The following PINX1 variants were observed in gnomAD, a reference collection of about 807,000 sequenced individuals.
PINX1 encodes the protein PIN2 (TERF1) interacting telomerase inhibitor 1, also known as PIN2/TERF1-interacting telomerase inhibitor 1.
PINX1 carries 34 observed loss-of-function variants against 25.4 expected under a neutral mutation model. The observed-to-expected ratio is 1.34, with a 90% CI of 1.02 to 1.78. The LOEUF is 1.78. Among genes scored for constraint, PINX1 ranks in the 40% most tolerant of loss-of-function variants. PINX1 has a pLI of 0.00. For missense variants in PINX1, 592 were observed against 404.9 expected, an observed-to-expected ratio of 1.46 and a Z score of -3.97; for synonymous variants, 197 against 147.7, an observed-to-expected ratio of 1.33 and a Z score of -2.42.
intron 6 of PINX1, 116 bp from the exon 7 acceptor site, chr8:10,766,032 C>A: frequency 3.2e-6 from 3 of 942,238 alleles, no homozygotes; most frequent in Non-Finnish European, 4.8e-6. Flanking sequence ...GGCGCTCACA[C>A]CCGGCACCCA....
At chr8:10,805,410 G>C (rs1324736117) in intron 6 of PINX1, among the ~76,000 whole-genome samples, 2 of 152,384 alleles carry the variant, frequency 1.3e-5, no homozygotes, top group African/African-American at 4.8e-5. Flanking sequence ...CAGAGTACTC[G>C]AAGATTGATG....
Position 10,824,465 on chromosome 8 carries a change from C to G in PINX1, c.394+1687G>C, listed in dbSNP as rs576549598. Among the ~76,000 whole-genome samples the G allele has an allele frequency of 2.0e-5, 3 of 152,276 alleles. No homozygotes were observed. The South Asian group carries it at 6.2e-4, about 32-fold the overall frequency. On this transcript the variant is annotated intron_variant, in intron 5 of 6. Coordinates refer to ENST00000314787, the MANE Select transcript of PINX1 (RefSeq NM_017884.6). ...CAATAGATCCGAGAATCCTTCTGTT[C>G]TGCATACTGACTCCCTCTTCTCCCC...
At chr8:10,787,087 T>C (rs1801773926) in intron 6 of PINX1, among the ~76,000 whole-genome samples, 1 of 152,196 alleles carries the variant, frequency 6.6e-6, no homozygotes, top group Admixed American at 6.5e-5. Flanking sequence ...CCATGAGCTC[T>C]GTTATTTTTA....
chr8:10,816,949 G>C (rs1042747271), intron 6 of PINX1, among the ~76,000 whole-genome samples: 12 of 152,194 alleles, frequency 7.9e-5, no homozygotes, highest in South Asian at 6.2e-4. Context: ...ATTGCTGTGA[G>C]GATGAAATGA....
At position 10,831,675 on chromosome 8, in the gene PINX1, C is replaced by G; in HGVS notation, c.291G>C (p.Gln97His). The change falls in exon 4 of 7, where the codon CAG (glutamine) becomes CAC (histidine). Residue 97 changes from glutamine to histidine, a missense_variant. Transcript: ENST00000314787. ...LLAELNTCHG[Q>H]ETTDSSDKKE... ...ATCTGATTTCCCTACCTGTGGTTTC[C>G]TGCCCATGGCAAGTGTTCAGTTCGG... 6.3e-7 allele frequency: 1 copy of G among 1,597,484 alleles called. No individual in the cohort carries two copies. Among genetic ancestry groups the G allele is most frequent in the Non-Finnish European group, 8.6e-7 (1 of 1,168,270 alleles).
intron 6 of PINX1, among the ~76,000 whole-genome samples, chr8:10,818,643 C>T (rs889752281): frequency 4.6e-5 from 7 of 152,008 alleles, no homozygotes; most frequent in Non-Finnish European, 2.9e-5. Flanking sequence ...GATGTGGAAA[C>T]GCCAGTACAG....
chr8:10,800,761 C>G (rs190494723), intron 6 of PINX1, among the ~76,000 whole-genome samples: 3 of 152,196 alleles, frequency 2.0e-5, no homozygotes, highest in East Asian at 1.9e-4. Context: ...TAAGTCACTA[C>G]GCCCGGCCAA....
In PINX1 at chr8:10,823,497, T is replaced by A. The variant is rs141954932; in HGVS notation, c.394+2655A>T. ...TTCCCCTCTGCAGATATAGCCTCTA[T>A]CTGCAGAGACCTTTTGCATTAAAAA... On this transcript the variant is annotated intron_variant, in intron 5 of 6. Transcript: ENST00000314787. Among the ~76,000 whole-genome samples the A allele has an allele frequency of 1.3e-3, 198 of 152,008 alleles. 1 individual carries two copies. Among genetic ancestry groups the A allele is most frequent in the African/African-American group, 4.6e-3 (190 of 41,368 alleles).
chr8:10,820,912 A>G (rs987643203), intron 5 of PINX1, among the ~76,000 whole-genome samples: 4 of 152,220 alleles, frequency 2.6e-5, no homozygotes, highest in Admixed American at 2.6e-4. Context: ...ACATAGGGAG[A>G]GTAGGAAATT....
chr8:10,784,908 G>A (rs1036535312), intron 6 of PINX1, among the ~76,000 whole-genome samples: 1 of 152,188 alleles, frequency 6.6e-6, no homozygotes, highest in Non-Finnish European at 1.5e-5. Context: ...GTGCTCTTTG[G>A]CAGAGACTGC....
intron 6 of PINX1, chr8:10,787,891 A>G (rs529811422): frequency 4.4e-6 from 2 of 453,198 alleles, no homozygotes; most frequent in African/African-American, 4.0e-5. Context: ...GACATTATCA[A>G]TTAATCTATA....
chr8:10,779,512 T>C (rs557607077), intron 6 of PINX1, among the ~76,000 whole-genome samples: 1 of 152,274 alleles, frequency 6.6e-6, no homozygotes, highest in East Asian at 1.9e-4. Context: ...CAAAAAGAAC[T>C]GCCACACACC....
intron 6 of PINX1, among the ~76,000 whole-genome samples, chr8:10,804,243 G>A (rs904408342): frequency 1.3e-5 from 2 of 152,200 alleles, no homozygotes; most frequent in Non-Finnish European, 2.9e-5. Flanking sequence ...TGCGGTGTTA[G>A]CCGCCGGGGG....
At chr8:10,786,699 G>GTA (rs1316318602) in intron 6 of PINX1, among the ~76,000 whole-genome samples, 6 of 152,198 alleles carry the variant, frequency 3.9e-5, no homozygotes, top group African/African-American at 1.4e-4. Context: ...AAACTTCAGT[G>GTA]TATACTGCAG....
At chr8:10,792,567 C>A (rs546317641) in intron 6 of PINX1, among the ~76,000 whole-genome samples, 1 of 152,062 alleles carries the variant, frequency 6.6e-6, no homozygotes, top group Non-Finnish European at 1.5e-5. Context: ...CTGGGAGAAA[C>A]AGATGAAGTA....
chr8:10,787,974 A>G, intron 6 of PINX1: 1 of 362,438 alleles, frequency 2.8e-6, no homozygotes, highest in South Asian at 2.3e-5. Context: ...AAACTTGAAC[A>G]TTGACTGGAT....
intron 6 of PINX1, among the ~76,000 whole-genome samples, chr8:10,778,358 G>A (rs999903414): frequency 6.6e-5 from 10 of 151,922 alleles, no homozygotes; most frequent in African/African-American, 2.4e-4. Context: ...CATCCCTCTC[G>A]TTTTTGCAAA....
At chr8:10,783,422 T>G (rs1801653965) in intron 6 of PINX1, among the ~76,000 whole-genome samples, 1 of 152,220 alleles carries the variant, frequency 6.6e-6, no homozygotes, top group Admixed American at 6.5e-5. Context: ...AAAGGACCTG[T>G]GCTTTCAAGA....
intron 6 of PINX1, among the ~76,000 whole-genome samples, chr8:10,773,391 G>C (rs754949505): frequency 1.4e-4 from 21 of 152,188 alleles, no homozygotes; most frequent in Non-Finnish European, 1.9e-4. Context: ...GCAAAAGCCA[G>C]TAAAGAAAAA....
Sources: allele counts gnomAD v4.1 joint callset (sites outside exome capture counted in the v4.1 genomes callset), GRCh38; gene constraint gnomAD v4.1.1; transcripts MANE v1.5; gene names NCBI Gene and HGNC (gene_info 2026-07-23, HGNC 2026-07-21).